The following EIF2AK4 variants were observed in gnomAD, a reference collection of about 807,000 sequenced individuals.
EIF2AK4 encodes the protein eIF-2-alpha kinase GCN2.
Under a neutral mutation model 211.1 loss-of-function variants are expected in EIF2AK4, and 139 were observed. The ratio of observed to expected loss-of-function variants is 0.66; its 90% CI spans 0.57 to 0.76. The LOEUF is 0.76. Ranked by LOEUF, EIF2AK4 falls within the 30% of genes least tolerant of loss-of-function variation. The probability of loss-of-function intolerance (pLI) is 0.00; values close to 1 mark genes in which losing one functional copy is unlikely to be tolerated. For synonymous variants in EIF2AK4, 710 were observed against 751.3 expected (o/e 0.94, Z 0.90); for missense variants, 1,664 against 2,043.8 (o/e 0.81, Z 3.58).
rs374991853 is a variant in EIF2AK4, at chr15:39,934,270, C to G, written c.75C>G (p.His25Gln). ...PPESYPQRQD[H>Q]ELQALEAIYG... ...AGAGCTACCCGCAACGACAGGACCA[C>G]GAGCTACAGGCCCTGGAGGCCATTT... Residue 25 changes from histidine (H) to glutamine (Q), a missense_variant, in exon 1 of 39, where the codon CAC becomes CAG. His to Gln is a conservative substitution (Grantham distance 24). Around this residue, in one of 7 missense-constraint regions of EIF2AK4, gnomAD observed 641 missense variants for 729.6 expected, o/e 0.88. Coordinates refer to ENST00000263791, the MANE Select transcript of EIF2AK4 (RefSeq NM_001013703.4). 1.2e-6 allele frequency: 2 copies of G among 1,611,496 alleles called. No homozygotes were observed. Among genetic ancestry groups the G allele is most frequent in the Non-Finnish European group, 1.7e-6 (2 of 1,179,044 alleles).
intron 13 of EIF2AK4, among the ~76,000 whole-genome samples, chr15:39,979,882 T>C (rs905232016): frequency 3.3e-5 from 5 of 152,142 alleles, no homozygotes; most frequent in Admixed American, 2.6e-4. Context: ...TTGTTTCTTA[T>C]GAAATAAGTC....
intron 18 of EIF2AK4, among the ~76,000 whole-genome samples, chr15:39,993,358 A>T (rs1393567645): frequency 6.6e-6 from 1 of 152,238 alleles, no homozygotes. Context: ...ATAAGTAAAA[A>T]ATAAAAGATA....
Position 39,934,130 on chromosome 15 carries a change from C to G in EIF2AK4, c.-66C>G, listed in dbSNP as rs2034025012. The G allele has an allele frequency of 8.2e-7, 1 of 1,224,670 alleles. No individual in the cohort carries two copies. Among genetic ancestry groups the G allele is most frequent in the Admixed American group, 4.4e-5 (1 of 22,652 alleles). The allele number at this position is 1,224,670 out of a possible 1,614,324, so 75.9% of individuals were successfully genotyped here. On this transcript the variant is annotated 5_prime_UTR_variant, in exon 1 of 39. Transcript: ENST00000263791. ...GCCCGTCCCCAGCGCGGAGCCCCGC[C>G]CCGCAGGCTGCCGGGGGCCCACCGC...
At chr15:40,022,741 CTT>C (rs1281852447) in intron 32 of EIF2AK4, 136 bp downstream of exon 32, 675 of 523,468 alleles carry the variant, frequency 1.3e-3, no homozygotes, top group South Asian at 1.9e-3. Context: ...TGTTGGGTTT[CTT>C]TTTTTTTTTT....
chr15:40,016,781 A>G, intron 28 of EIF2AK4, 109 bp downstream of exon 28: 1 of 1,378,878 alleles, frequency 7.3e-7, no homozygotes, highest in South Asian at 1.5e-5. Context: ...ATTTTTCCAG[A>G]AAAACTGCTT....
At position 39,976,579 on chromosome 15, in the gene EIF2AK4, C is replaced by CCGG; in HGVS notation, c.1988_1990dup (p.Ala663dup). The CCGG allele has an allele frequency of 6.2e-7, 1 of 1,611,170 alleles. No homozygotes were observed. The highest frequency in any genetic ancestry group is 8.5e-7 in the Non-Finnish European group (1 of 1,179,174). Reference sequence around the variant, plus strand: ...CGCCTGGATCGAGCGGCACGAGCGGCCGGCGGGACCGGGGACGCCGCCCCC... The same window carrying CCGG: ...CGCCTGGATCGAGCGGCACGAGCGGCCGGCGGCGGGACCGGGGACGCCGCCCCC... On this transcript the variant is annotated inframe_insertion, in exon 12 of 39. Coordinates refer to ENST00000263791, the MANE Select transcript of EIF2AK4 (RefSeq NM_001013703.4).
At chr15:40,018,491 G>C (rs2035339673) in intron 29 of EIF2AK4, among the ~76,000 whole-genome samples, 1 of 151,210 alleles carries the variant, frequency 6.6e-6, no homozygotes, top group Non-Finnish European at 1.5e-5. Flanking sequence ...TATGACCCCA[G>C]TGACACAAAT....
chr15:39,979,610 C>A (rs993214888), intron 13 of EIF2AK4, among the ~76,000 whole-genome samples: 3 of 152,076 alleles, frequency 2.0e-5, no homozygotes, highest in African/African-American at 7.2e-5. Flanking sequence ...TTTTGGTAAA[C>A]CATTTAAAAA....
intron 35 of EIF2AK4, 46 bp from the exon 36 acceptor site, chr15:40,032,123 A>G (rs367769276): frequency 2.5e-5 from 37 of 1,453,872 alleles, no homozygotes; most frequent in Non-Finnish European, 3.4e-5. Flanking sequence ...GGCAAGAAAG[A>G]TGGCTTGGTT....
At chr15:39,944,432 CTTTT>C (rs55669603) in intron 3 of EIF2AK4, among the ~76,000 whole-genome samples, 8 of 121,142 alleles carry the variant, frequency 6.6e-5, no homozygotes, top group Non-Finnish European at 9.7e-5. Context: ...TTAACGATCT[CTTTT>C]TTTTTTTTTT....
At chr15:39,962,651 C>G (rs1291272064) in intron 7 of EIF2AK4, among the ~76,000 whole-genome samples, 1 of 152,132 alleles carries the variant, frequency 6.6e-6, no homozygotes, top group Non-Finnish European at 1.5e-5. Context: ...AAGTGGATAT[C>G]CATCCATTTG....
At chr15:39,970,456 A>G (rs1378591839) in intron 9 of EIF2AK4, among the ~76,000 whole-genome samples, 1 of 152,204 alleles carries the variant, frequency 6.6e-6, no homozygotes, top group Non-Finnish European at 1.5e-5. Context: ...GAAAATGTGA[A>G]AAATTGGAAA....
At chr15:39,978,252 A>T in intron 13 of EIF2AK4, 105 bp downstream of exon 13, 2 of 511,158 alleles carry the variant, frequency 3.9e-6, no homozygotes, top group Non-Finnish European at 6.6e-6. Context: ...ATATTCAGAT[A>T]TAGAAACCAT....
chr15:40,024,683 C>G (rs1001415253), intron 32 of EIF2AK4, among the ~76,000 whole-genome samples: 1 of 147,660 alleles, frequency 6.8e-6, no homozygotes, highest in Non-Finnish European at 1.5e-5. Flanking sequence ...GAGGCGTGAG[C>G]CACTGCGCCC....
At chr15:39,966,872 C>G in intron 8 of EIF2AK4, among the ~76,000 whole-genome samples, 1 of 152,096 alleles carries the variant, frequency 6.6e-6, no homozygotes, top group East Asian at 1.9e-4. Context: ...CTTAACTCCT[C>G]TTTGCCATGT....
At chr15:40,017,343 A>G (rs1025435101) in intron 29 of EIF2AK4, 101 bp downstream of exon 29, 27 of 1,337,426 alleles carry the variant, frequency 2.0e-5, no homozygotes, top group African/African-American at 7.3e-5. Flanking sequence ...TTGAACCAGT[A>G]ATATCATTGG....
intron 26 of EIF2AK4, 150 bp downstream of exon 26, chr15:40,009,880 C>T: frequency 1.6e-6 from 1 of 629,436 alleles, no homozygotes; most frequent in African/African-American, 1.9e-5. Context: ...ATTGAAAGAA[C>T]CAATTGATTT....
intron 23 of EIF2AK4, among the ~76,000 whole-genome samples, chr15:40,005,825 C>T (rs1187512948): frequency 6.6e-6 from 1 of 152,096 alleles, no homozygotes; most frequent in African/African-American, 2.4e-5. Flanking sequence ...CCCACCTGGG[C>T]CTCCCAGAGT....
Position 39,968,891 on chromosome 15 carries a change from T to TAC in EIF2AK4, c.1553+1020_1553+1021dup, listed in dbSNP as rs1555416599. On this transcript the variant is annotated intron_variant, in intron 9 of 38. Transcript: ENST00000263791. ...TGAATATGATATATATATATATATA[T>TAC]ACACACACATACATACAGTTGTGGA... Among the ~76,000 whole-genome samples, 964 of 148,918 alleles carry TAC rather than the reference T, an allele frequency of 6.5e-3. 3 individuals carry two copies. The highest frequency in any genetic ancestry group is 0.01 in the Non-Finnish European group (686 of 66,948).
Sources: gnomAD v4.1 joint callset for allele counts (sites outside exome capture counted in the v4.1 genomes callset) on GRCh38, gnomAD v4.1.1 for gene constraint, gnomAD v4.1.1 regional missense constraint, MANE v1.5 for transcripts, NCBI Gene and HGNC (gene_info 2026-07-23, HGNC 2026-07-21) for gene names.